ZNF385D: variants seen among roughly 807,000 people sequenced by gnomAD.
ZNF385D encodes the protein zinc finger protein 385D, also known as zinc finger protein 659.
In ZNF385D, 15 loss-of-function variants were observed where a neutral mutation model predicts 35.8. The ratio of observed to expected loss-of-function variants is 0.42; its 90% CI spans 0.28 to 0.64. ZNF385D has a LOEUF of 0.64. ZNF385D is among the 30% of genes least tolerant of loss of function. ZNF385D has a pLI of 0.23. For synonymous variants in ZNF385D, 212 were observed against 186.8 expected (o/e 1.13, Z -1.10); for missense variants, 474 against 494.6 (o/e 0.96, Z 0.39).
intron 3 of ZNF385D, among the ~76,000 whole-genome samples, chr3:21,840,592 CA>C (rs1649563828): frequency 6.6e-6 from 1 of 151,906 alleles, no homozygotes; most frequent in Non-Finnish European, 1.5e-5. Flanking sequence ...CCAACGTTGG[CA>C]TATGAATGCA....
At chr3:21,840,720 T>C (rs1695612509) in intron 3 of ZNF385D, among the ~76,000 whole-genome samples, 1 of 152,092 alleles carries the variant, frequency 6.6e-6, no homozygotes, top group East Asian at 1.9e-4. Context: ...TCTACCATTA[T>C]TTATTTATAC....
intron 3 of ZNF385D, among the ~76,000 whole-genome samples, chr3:21,855,202 A>C (rs980603756): frequency 3.3e-5 from 5 of 152,056 alleles, no homozygotes; most frequent in African/African-American, 1.2e-4. Flanking sequence ...AATCGCTAGC[A>C]ATCTAGTCCT....
chr3:21,742,606 A>G (rs2069572083), intron 1 of ZNF385D, among the ~76,000 whole-genome samples: 1 of 152,216 alleles, frequency 6.6e-6, no homozygotes, highest in Non-Finnish European at 1.5e-5. Context: ...GGCAAGAGAA[A>G]GGGAGAAACC....
In ZNF385D at chr3:22,338,776, C is replaced by A. The variant is rs569705136; in HGVS notation, c.106+33674G>T. Among the ~76,000 whole-genome samples the A allele has an allele frequency of 2.7e-5, 4 of 148,114 alleles. No homozygotes were observed. The East Asian group carries it at 8.0e-4, about 30-fold the overall frequency. On this transcript the variant is annotated intron_variant, in intron 2 of 5. Transcript: ENST00000494108. The stretch of plus-strand genomic sequence containing the variant: ...AGTACAATGGCGCGATCTCGGCTCA[C>A]TGTAGCCTCCACCTCCTGGGTTCTA...
chr3:21,771,275 C>T (rs2071068061), intron 3 of ZNF385D, among the ~76,000 whole-genome samples: 1 of 150,754 alleles, frequency 6.6e-6, no homozygotes, highest in African/African-American at 2.4e-5. Context: ...CTTAAATGTA[C>T]ACCTCTGGTT....
At chr3:21,915,697 G>C (rs138767181) in intron 3 of ZNF385D, among the ~76,000 whole-genome samples, 1 of 152,206 alleles carries the variant, frequency 6.6e-6, no homozygotes, top group African/African-American at 2.4e-5. Flanking sequence ...CAATAAGTAG[G>C]TCAATTGCAC....
At chr3:21,675,545 T>C (rs1349682885) in intron 1 of ZNF385D, among the ~76,000 whole-genome samples, 2 of 152,074 alleles carry the variant, frequency 1.3e-5, no homozygotes, top group Admixed American at 1.3e-4. Flanking sequence ...TGTAAGTTCT[T>C]ATATCTACAT....
intron 4 of ZNF385D, among the ~76,000 whole-genome samples, chr3:21,493,423 A>T (rs1705581390): frequency 6.6e-6 from 1 of 152,158 alleles, no homozygotes; most frequent in African/African-American, 2.4e-5. Flanking sequence ...TGCCATATTG[A>T]AATGTTTAAA....
At chr3:21,766,453 C>A (rs1451095745) in intron 3 of ZNF385D, among the ~76,000 whole-genome samples, 1 of 152,088 alleles carries the variant, frequency 6.6e-6, no homozygotes, top group Admixed American at 6.6e-5. Flanking sequence ...ACGGTCAGAA[C>A]ACATTTTAAG....
chr3:21,859,181 C>CA (rs1273891999), intron 3 of ZNF385D, among the ~76,000 whole-genome samples: 5 of 151,780 alleles, frequency 3.3e-5, no homozygotes, highest in African/African-American at 1.2e-4. Context: ...AGATGAAAAC[C>CA]AAAAAACAGC....
At chr3:22,328,055 T>C (rs1333508930) in intron 2 of ZNF385D, among the ~76,000 whole-genome samples, 3 of 152,224 alleles carry the variant, frequency 2.0e-5, no homozygotes, top group African/African-American at 4.8e-5. Context: ...CCTAAGTCTT[T>C]TACATATGTC....
At chr3:21,820,711 A>G (rs2073359894) in intron 3 of ZNF385D, among the ~76,000 whole-genome samples, 1 of 151,764 alleles carries the variant, frequency 6.6e-6, no homozygotes, top group Non-Finnish European at 1.5e-5. Context: ...TGTATAAATA[A>G]GTAATTTCAG....
At chr3:21,827,367 G>A (rs1177339837) in intron 3 of ZNF385D, among the ~76,000 whole-genome samples, 1 of 151,964 alleles carries the variant, frequency 6.6e-6, no homozygotes, top group African/African-American at 2.4e-5. Context: ...TATATTAACT[G>A]TATATATACA....
chr3:22,139,798 G>C (rs537649199), intron 3 of ZNF385D, among the ~76,000 whole-genome samples: 36 of 152,128 alleles, frequency 2.4e-4, no homozygotes, highest in Non-Finnish European at 4.6e-4. Flanking sequence ...ATTAAGTAGA[G>C]ATATAAGTTG....
chr3:21,738,001 G>C (rs1279859594), intron 1 of ZNF385D, among the ~76,000 whole-genome samples: 1 of 152,232 alleles, frequency 6.6e-6, no homozygotes, highest in Non-Finnish European at 1.5e-5. Flanking sequence ...TACAGGGGTT[G>C]GTGCTGTATG....
chr3:22,300,133 G>C (rs1468915865), intron 2 of ZNF385D, among the ~76,000 whole-genome samples: 6 of 151,932 alleles, frequency 3.9e-5, no homozygotes, highest in Non-Finnish European at 1.5e-5. Context: ...GAATAGAATA[G>C]AAAGCCCAGA....
chr3:21,695,478 G>A (rs2125361135), intron 1 of ZNF385D, among the ~76,000 whole-genome samples: 1 of 152,276 alleles, frequency 6.6e-6, no homozygotes, highest in East Asian at 1.9e-4. Context: ...GTGATTTTAA[G>A]CAAGCATCGC....
intron 2 of ZNF385D, among the ~76,000 whole-genome samples, chr3:22,259,395 T>C (rs1271801713): frequency 1.3e-5 from 2 of 151,952 alleles, no homozygotes; most frequent in Non-Finnish European, 1.5e-5. Flanking sequence ...TTATGCTTGC[T>C]TGACTCTGCC....
chr3:22,113,695 C>G (rs902903645), intron 3 of ZNF385D, among the ~76,000 whole-genome samples: 1 of 151,732 alleles, frequency 6.6e-6, no homozygotes, highest in Non-Finnish European at 1.5e-5. Flanking sequence ...AGGTATTGAC[C>G]AAATACAAAA....
Sources: allele counts gnomAD v4.1 joint callset (sites outside exome capture counted in the v4.1 genomes callset), GRCh38; gene constraint gnomAD v4.1.1; transcripts MANE v1.5; gene names NCBI Gene and HGNC (gene_info 2026-07-23, HGNC 2026-07-21).